The following ITGA9 variants were observed in gnomAD, a reference collection of about 807,000 sequenced individuals.
ITGA9 encodes integrin subunit alpha 9, also known as integrin alpha-9.
In ITGA9, 56 loss-of-function variants were observed where a neutral mutation model predicts 127.8. The observed-to-expected ratio is 0.44, with a 90% CI of 0.35 to 0.55. The LOEUF (loss-of-function observed/expected upper bound fraction) is 0.55. ITGA9 is among the 20% of genes least tolerant of loss of function. The pLI is 0.00. For missense variants in ITGA9, 1,196 were observed against 1,347.1 expected, an observed-to-expected ratio of 0.89 and a Z score of 1.76; for synonymous variants, 508 against 514.5, an observed-to-expected ratio of 0.99 and a Z score of 0.17.
intron 16 of ITGA9, among the ~76,000 whole-genome samples, chr3:37,634,179 G>T (rs1272587684): frequency 6.6e-6 from 1 of 151,932 alleles, no homozygotes; most frequent in Non-Finnish European, 1.5e-5. Flanking sequence ...AAGAAAGGAA[G>T]AAAGGAACAA....
intron 13 of ITGA9, among the ~76,000 whole-genome samples, chr3:37,528,791 T>C (rs966952728): frequency 6.6e-6 from 1 of 152,206 alleles, no homozygotes; most frequent in African/African-American, 2.4e-5. Flanking sequence ...TGCAATAAAA[T>C]GCACCAATTT....
intron 15 of ITGA9, among the ~76,000 whole-genome samples, chr3:37,570,125 C>G (rs1039395647): frequency 6.6e-6 from 1 of 152,370 alleles, no homozygotes; most frequent in South Asian, 2.1e-4. Context: ...TCCCTCAGAG[C>G]CCCGGCATTT....
chr3:37,559,129 G>A (rs1019590393), intron 15 of ITGA9, among the ~76,000 whole-genome samples: 1 of 152,212 alleles, frequency 6.6e-6, no homozygotes, highest in African/African-American at 2.4e-5. Flanking sequence ...GATGGAGTAG[G>A]TTCCAGCGTT....
In ITGA9 at chr3:37,647,159, G is replaced by A. The variant is rs190992795; in HGVS notation, c.1840-6555G>A. 3.7e-3 allele frequency among the ~76,000 whole-genome samples: 565 copies of A among 152,108 alleles called. 2 individuals are homozygous for A. Among genetic ancestry groups the A allele is most frequent in the Middle Eastern group, 0.024 (7 of 294 alleles). On this transcript the variant is annotated intron_variant, in intron 16 of 27. Transcript: ENST00000264741. ...TAAACAATTGCATTCCTAGCCTATGGAAGGTCTTACCTAAGCCAAGACTTT... is the reference window on the plus strand; with the variant it reads ...TAAACAATTGCATTCCTAGCCTATGAAAGGTCTTACCTAAGCCAAGACTTT...
intron 14 of ITGA9, among the ~76,000 whole-genome samples, chr3:37,533,804 C>T (rs1039491530): frequency 9.2e-5 from 14 of 152,174 alleles, no homozygotes; most frequent in East Asian, 1.9e-4. Flanking sequence ...AGGGAACATT[C>T]GAGCAGTTAG....
chr3:37,492,306 G>A (rs572126768), intron 4 of ITGA9, among the ~76,000 whole-genome samples: 23 of 152,330 alleles, frequency 1.5e-4, no homozygotes, highest in South Asian at 1.2e-3. Context: ...TGATGGTACC[G>A]ACTTCCATGT....
intron 1 of ITGA9, among the ~76,000 whole-genome samples, chr3:37,462,822 C>CT (rs1429865659): frequency 6.6e-6 from 1 of 152,220 alleles, no homozygotes; most frequent in Admixed American, 6.5e-5. Context: ...TTTCATCTGC[C>CT]TTTTCCTTTT....
chr3:37,495,099 G>A (rs532121958), intron 5 of ITGA9, among the ~76,000 whole-genome samples: 3 of 151,848 alleles, frequency 2.0e-5, no homozygotes, highest in South Asian at 4.2e-4. Context: ...TTAGCCTCCC[G>A]GTTATAGGCG....
intron 15 of ITGA9, among the ~76,000 whole-genome samples, chr3:37,625,521 C>T (rs947932128): frequency 1.3e-5 from 2 of 152,210 alleles, no homozygotes; most frequent in African/African-American, 4.8e-5. Context: ...AAGGTAGATT[C>T]TTGCCTTTTA....
At chr3:37,545,786 C>T (rs1699320497) in intron 15 of ITGA9, among the ~76,000 whole-genome samples, 1 of 152,232 alleles carries the variant, frequency 6.6e-6, no homozygotes, top group Non-Finnish European at 1.5e-5. Flanking sequence ...AACACCTCCC[C>T]TCAGCATCGG....
At chr3:37,462,590 C>G (rs1308980313) in intron 1 of ITGA9, among the ~76,000 whole-genome samples, 2 of 152,116 alleles carry the variant, frequency 1.3e-5, no homozygotes, top group African/African-American at 4.8e-5. Context: ...TGATTTAATG[C>G]TAAACTGACT....
intron 15 of ITGA9, among the ~76,000 whole-genome samples, chr3:37,624,200 C>CTTTTTTTTTTTT (rs58307041): frequency 2.3e-5 from 2 of 85,764 alleles, no homozygotes; most frequent in African/African-American, 5.0e-5. Context: ...AAAAAAAACC[C>CTTTTTTTTTTTT]TTTTTTTTTT....
At chr3:37,589,007 A>G (rs934463970) in intron 15 of ITGA9, among the ~76,000 whole-genome samples, 1 of 152,232 alleles carries the variant, frequency 6.6e-6, no homozygotes, top group Non-Finnish European at 1.5e-5. Context: ...ACAAAGCTGT[A>G]GCTTTGGAAA....
At chr3:37,678,166 T>C (rs1006741654) in intron 17 of ITGA9, among the ~76,000 whole-genome samples, 2 of 152,232 alleles carry the variant, frequency 1.3e-5, no homozygotes, top group Non-Finnish European at 2.9e-5. Flanking sequence ...GTTCCTGCTT[T>C]CAGTTCATTG....
intron 11 of ITGA9, among the ~76,000 whole-genome samples, chr3:37,523,315 G>C (rs192911861): frequency 2.6e-5 from 4 of 152,036 alleles, no homozygotes; most frequent in Admixed American, 1.3e-4. Context: ...AAATGATGAC[G>C]TTTGGCCAAG....
At chr3:37,545,028 G>T (rs9817802) in intron 15 of ITGA9, among the ~76,000 whole-genome samples, 1 of 152,328 alleles carries the variant, frequency 6.6e-6, no homozygotes, top group South Asian at 2.1e-4. Context: ...GCACCGCCCC[G>T]GCTTACTGGC....
chr3:37,567,523 A>G (rs1043646197), intron 15 of ITGA9, among the ~76,000 whole-genome samples: 2 of 152,252 alleles, frequency 1.3e-5, no homozygotes, highest in East Asian at 1.9e-4. Flanking sequence ...CATTAACTCA[A>G]AAGTCCACAG....
intron 15 of ITGA9, among the ~76,000 whole-genome samples, chr3:37,551,113 C>T (rs1421152369): frequency 3.3e-5 from 5 of 152,074 alleles, no homozygotes; most frequent in African/African-American, 4.8e-5. Context: ...AACCACCAGA[C>T]GACAGCTTTT....
intron 18 of ITGA9, among the ~76,000 whole-genome samples, chr3:37,718,481 T>C (rs1019310982): frequency 6.6e-6 from 1 of 152,222 alleles, no homozygotes; most frequent in Non-Finnish European, 1.5e-5. Flanking sequence ...GGCATTTTTT[T>C]TCTCACATAC....
Sources: allele counts gnomAD v4.1 joint callset (sites outside exome capture counted in the v4.1 genomes callset), GRCh38; gene constraint gnomAD v4.1.1; transcripts MANE v1.5; gene names NCBI Gene and HGNC (gene_info 2026-07-23, HGNC 2026-07-21).